Variants in DTL observed in about 807,000 individuals in gnomAD.
DTL encodes denticleless E3 ubiquitin protein ligase adapter, also known as denticleless protein homolog.
Under a neutral mutation model 87.0 loss-of-function variants are expected in DTL, and 46 were observed. That is an observed-to-expected ratio of 0.53 (90% CI 0.42 to 0.68). The LOEUF (loss-of-function observed/expected upper bound fraction) is 0.68. Among genes scored for constraint, DTL ranks in the 30% least tolerant of loss-of-function variants. The pLI, the probability that DTL is intolerant of heterozygous loss-of-function variation, is 0.00. For missense variants in DTL, 737 were observed against 869.4 expected (o/e 0.85, Z 1.91); for synonymous variants, 308 against 311.2 (o/e 0.99, Z 0.11).
chr1:212,090,255 TTCTC>T lies in DTL; in HGVS notation c.1261+9512_1261+9515del, dbSNP rs1008667857. On this transcript the variant is annotated intron_variant, in intron 13 of 14. Transcript: ENST00000366991. ...TTAGGCAAAAGTCAATTTGTAGAAT[TTCTC>T]TCTCTCAAGGCAAGACTGCTTTAGG... Among the ~76,000 whole-genome samples, 7 of 152,272 alleles carry T rather than the reference TTCTC, an allele frequency of 4.6e-5. No individual in the cohort carries two copies. The South Asian group carries it at 1.5e-3, about 32-fold the overall frequency.
chr1:212,062,149 G>T (rs1266928669), intron 5 of DTL, among the ~76,000 whole-genome samples: 1 of 152,092 alleles, frequency 6.6e-6, no homozygotes, highest in Non-Finnish European at 1.5e-5. Context: ...AAGAAAAATT[G>T]CATGTTTTCA....
chr1:212,072,265 T>TA, intron 11 of DTL, 52 bp downstream of exon 11: 1 of 1,367,832 alleles, frequency 7.3e-7, no homozygotes, highest in Non-Finnish European at 1.0e-6. Flanking sequence ...TTCTTGCAAA[T>TA]ATTTGTTCTG....
chr1:212,094,068 G>A (rs1310529927), intron 13 of DTL, among the ~76,000 whole-genome samples: 1 of 152,220 alleles, frequency 6.6e-6, no homozygotes, highest in Non-Finnish European at 1.5e-5. Context: ...TTACTTTGCT[G>A]ATTATTTCTT....
intron 5 of DTL, among the ~76,000 whole-genome samples, chr1:212,061,571 A>G (rs1358876736): frequency 6.6e-6 from 1 of 152,138 alleles, no homozygotes; most frequent in Admixed American, 6.6e-5. Context: ...AAAGACAAAC[A>G]GTATATCAAA....
intron 5 of DTL, among the ~76,000 whole-genome samples, chr1:212,054,766 G>A (rs1322310777): frequency 7.3e-6 from 1 of 136,838 alleles, no homozygotes; most frequent in Non-Finnish European, 1.5e-5. Flanking sequence ...CTGCACTCCA[G>A]CCTGGGTGAC....
chr1:212,048,237 T>C (rs1359138322), intron 5 of DTL, among the ~76,000 whole-genome samples: 2 of 152,222 alleles, frequency 1.3e-5, no homozygotes, highest in Non-Finnish European at 2.9e-5. Context: ...TCACCCAGGC[T>C]GGAGTGCAGA....
chr1:212,059,067 C>T (rs1263679636), intron 5 of DTL, among the ~76,000 whole-genome samples: 1 of 152,052 alleles, frequency 6.6e-6, no homozygotes, highest in African/African-American at 2.4e-5. Context: ...AGTTCAGGAC[C>T]AGATGGCTTC....
At position 212,100,989 on chromosome 1, in the gene DTL, G is replaced by A. The variant is rs1655606547; in HGVS notation, c.1999G>A (p.Ala667Thr). 1.9e-6 allele frequency: 3 copies of A among 1,614,104 alleles called. No individual in the cohort carries two copies. Among genetic ancestry groups the A allele is most frequent in the Non-Finnish European group, 2.5e-6 (3 of 1,179,994 alleles). ...GAATAAAAACTGGTTGTTGGCCATG[G>A]CAGCCAAACGGAAGGCTGAGAATCC... is the stretch of plus-strand genomic sequence containing the variant. The part of the protein sequence containing the change: ...PENKNWLLAM[A>T]AKRKAENPSP... Residue 667 changes from alanine (A) to threonine (T), a missense_variant, in exon 14 of 15, where the codon GCA (alanine) becomes ACA (threonine). Coordinates refer to ENST00000366991, the MANE Select transcript of DTL (RefSeq NM_016448.4).
At chr1:212,060,271 AACAGAC>A (rs1668303411) in intron 5 of DTL, among the ~76,000 whole-genome samples, 1 of 152,210 alleles carries the variant, frequency 6.6e-6, no homozygotes, top group South Asian at 2.1e-4. Context: ...ATGGCATAAA[AACAGAC>A]ACAGAGACCA....
At chr1:212,090,601 C>T (rs1655253717) in intron 13 of DTL, among the ~76,000 whole-genome samples, 1 of 152,082 alleles carries the variant, frequency 6.6e-6, no homozygotes, top group Non-Finnish European at 1.5e-5. Flanking sequence ...GCATGAAGTT[C>T]ATAAAAATTT....
intron 5 of DTL, chr1:212,051,802 G>A: frequency 1.3e-6 from 1 of 751,976 alleles, no homozygotes; most frequent in Non-Finnish European, 2.4e-6. Context: ...ACAGCATGCT[G>A]GGTAACATTG....
chr1:212,051,475 T>A, intron 5 of DTL: 1 of 324,578 alleles, frequency 3.1e-6, no homozygotes. Flanking sequence ...TTTTTTTTTT[T>A]TTTTTTTTTT....
chr1:212,079,620 A>T (rs34570070), intron 12 of DTL, among the ~76,000 whole-genome samples: 3,191 of 152,310 alleles, frequency 0.021, 46 homozygotes, highest in Non-Finnish European at 0.03. Context: ...CATTTTGCAT[A>T]TGAGATTATT....
At chr1:212,074,051 A>T (rs1269256556) in intron 11 of DTL, among the ~76,000 whole-genome samples, 1 of 151,950 alleles carries the variant, frequency 6.6e-6, no homozygotes, top group Non-Finnish European at 1.5e-5. Flanking sequence ...TTCTTGTTAA[A>T]AAAAAAATTT....
At chr1:212,059,882 TAATG>T (rs1400394705) in intron 5 of DTL, among the ~76,000 whole-genome samples, 3 of 147,086 alleles carry the variant, frequency 2.0e-5, no homozygotes, top group Non-Finnish European at 4.5e-5. Flanking sequence ...TATACATCAA[TAATG>T]AATTAGCTGA....
At chr1:212,074,813 A>G (rs1469981866) in intron 11 of DTL, among the ~76,000 whole-genome samples, 1 of 152,200 alleles carries the variant, frequency 6.6e-6, no homozygotes, top group African/African-American at 2.4e-5. Flanking sequence ...AGAAAACAAA[A>G]TAGAAGGGAG....
chr1:212,078,156 G>GT lies in DTL; in HGVS notation c.1036-12dup. 6.6e-7 allele frequency: 1 copy of GT among 1,513,670 alleles called. No homozygotes were observed. Among genetic ancestry groups the GT allele is most frequent in the Non-Finnish European group, 9.2e-7 (1 of 1,090,570 alleles). 93.8% of individuals were successfully genotyped at this position (1,513,670 alleles called of 1,614,324 possible). ...CTAATATTGCTTTGCTGACTTGTTT[G>GT]TTTTTGATTGGACTAGGTCTCCACA... is the stretch of plus-strand genomic sequence containing the variant. On this transcript the variant is annotated splice_polypyrimidine_tract_variant and intron_variant, in intron 11 of 14. Coordinates refer to ENST00000366991, the MANE Select transcript of DTL (RefSeq NM_016448.4).
chr1:212,078,728 T>C (rs1422942019), intron 12 of DTL, among the ~76,000 whole-genome samples: 1 of 152,184 alleles, frequency 6.6e-6, no homozygotes, highest in African/African-American at 2.4e-5. Context: ...GCTTAAACTA[T>C]GTAAGTAGGT....
intron 13 of DTL, among the ~76,000 whole-genome samples, chr1:212,089,039 T>C (rs1655211135): frequency 6.6e-6 from 1 of 152,132 alleles, no homozygotes; most frequent in African/African-American, 2.4e-5. Flanking sequence ...TGAGCCGAGA[T>C]CATGCCACTG....
Sources: allele counts gnomAD v4.1 joint callset (sites outside exome capture counted in the v4.1 genomes callset), GRCh38; gene constraint gnomAD v4.1.1; transcripts MANE v1.5; gene names NCBI Gene and HGNC (gene_info 2026-07-23, HGNC 2026-07-21).